The following STK39 variants were observed in gnomAD, a reference collection of about 807,000 sequenced individuals.
The protein encoded by STK39 is serine/threonine kinase 39.
A neutral mutation model predicts 77.8 loss-of-function variants in STK39; 20 were observed. The ratio of observed to expected loss-of-function variants is 0.26; its 90% CI spans 0.18 to 0.37. The LOEUF is 0.37. Ranked by LOEUF, STK39 falls within the 10% of genes least tolerant of loss-of-function variation. The pLI, the probability that STK39 is intolerant of heterozygous loss-of-function variation, is 1.00. For synonymous variants in STK39, 246 were observed against 234.1 expected (o/e 1.05, Z -0.47); for missense variants, 479 against 656.5 (o/e 0.73, Z 2.95).
At chr2:168,237,633 T>A (rs1690654693) in intron 1 of STK39, among the ~76,000 whole-genome samples, 1 of 152,170 alleles carries the variant, frequency 6.6e-6, no homozygotes, top group Admixed American at 6.5e-5. Flanking sequence ...ATACCTAATT[T>A]ATTGAGAGTT....
chr2:168,007,253 CTT>C (rs1684154615), intron 16 of STK39, among the ~76,000 whole-genome samples: 1 of 152,176 alleles, frequency 6.6e-6, no homozygotes, highest in Non-Finnish European at 1.5e-5. Context: ...TTTGCAAACA[CTT>C]TGAATTTTGC....
chr2:168,161,367 A>C (rs1350270115), intron 5 of STK39, among the ~76,000 whole-genome samples: 1 of 152,248 alleles, frequency 6.6e-6, no homozygotes, highest in Non-Finnish European at 1.5e-5. Flanking sequence ...AATAAGGCCC[A>C]GATTTTTAAT....
At chr2:168,167,039 G>A (rs13023468) in intron 3 of STK39, among the ~76,000 whole-genome samples, 26,629 of 151,936 alleles carry the variant, frequency 0.18, 2,368 homozygotes, top group East Asian at 0.25. Flanking sequence ...ACATTCCGGG[G>A]GCTGCCTCTC....
In STK39 at chr2:167,954,174, CTT is replaced by C. The variant is rs545078508; in HGVS notation, c.*1320_*1321del. 1 of 152,496 alleles carries C rather than the reference CTT, an allele frequency of 6.6e-6. No homozygotes were observed. Among genetic ancestry groups the C allele is most frequent in the Non-Finnish European group, 1.5e-5 (1 of 68,024 alleles). The allele number at this position is 152,496 out of a possible 1,614,324, so 9.4% of individuals were successfully genotyped here. A position where few individuals can be genotyped will look rare whatever the true frequency, so the allele number is the denominator to read the frequency against. Reference sequence around the variant, plus strand: ...ATTATGACAAGGCAATTATAAATAACTTTTTTTCCTTAGTAATATATATTTGC... The same window carrying C: ...ATTATGACAAGGCAATTATAAATAACTTTTTCCTTAGTAATATATATTTGC... On this transcript the variant is annotated 3_prime_UTR_variant, in exon 18 of 18. Coordinates refer to ENST00000355999, the MANE Select transcript of STK39 (RefSeq NM_013233.3).
chr2:168,044,634 A>G (rs992514539), intron 14 of STK39, among the ~76,000 whole-genome samples: 3 of 152,348 alleles, frequency 2.0e-5, no homozygotes, highest in Admixed American at 2.0e-4. Context: ...ATTAAAATGT[A>G]CACTGCACCA....
chr2:168,129,018 G>A (rs1687614138), intron 10 of STK39, among the ~76,000 whole-genome samples: 1 of 152,190 alleles, frequency 6.6e-6, no homozygotes, highest in Non-Finnish European at 1.5e-5. Flanking sequence ...TGCCATTTTA[G>A]AAATCTAAAA....
chr2:168,013,621 G>C (rs931183021), intron 15 of STK39, among the ~76,000 whole-genome samples: 3 of 152,174 alleles, frequency 2.0e-5, no homozygotes, highest in African/African-American at 7.2e-5. Context: ...ACTCTAGACG[G>C]GGGTTTGACA....
At chr2:168,112,199 A>G (rs1328395855) in intron 10 of STK39, among the ~76,000 whole-genome samples, 1 of 151,946 alleles carries the variant, frequency 6.6e-6, no homozygotes, top group African/African-American at 2.4e-5. Context: ...TTCAATCTCT[A>G]CAGAACTCAG....
chr2:168,167,804 C>T (rs866345249), intron 2 of STK39, among the ~76,000 whole-genome samples: 2 of 152,260 alleles, frequency 1.3e-5, no homozygotes, highest in African/African-American at 2.4e-5. Context: ...CTGGTGCCAG[C>T]CTGAACTCTG....
chr2:168,138,016 T>G, intron 8 of STK39, 72 bp downstream of exon 8: 1 of 1,544,188 alleles, frequency 6.5e-7, no homozygotes, highest in Non-Finnish European at 8.8e-7. Context: ...CACAAAGCCT[T>G]TCCCCATCTA....
At chr2:168,067,517 T>G (rs1685826872) in intron 12 of STK39, among the ~76,000 whole-genome samples, 1 of 152,202 alleles carries the variant, frequency 6.6e-6, no homozygotes, top group South Asian at 2.1e-4. Context: ...AGCATCAGCT[T>G]ATACAGCCTG....
At chr2:168,083,159 T>G (rs369643266) in intron 10 of STK39, among the ~76,000 whole-genome samples, 1 of 152,304 alleles carries the variant, frequency 6.6e-6, no homozygotes, top group Admixed American at 6.5e-5. Flanking sequence ...TGTCACATAT[T>G]TTTGTGACTC....
chr2:168,049,974 T>C lies in STK39; in HGVS notation c.1376+13526A>G, dbSNP rs116547445. 9.1e-3 allele frequency among the ~76,000 whole-genome samples: 1,385 copies of C among 152,340 alleles called. 19 individuals are homozygous for C. The highest frequency in any genetic ancestry group is 0.032 in the African/African-American group (1,319 of 41,572). ...CCAGATCTCTACTTGAAAGATTTCA[T>C]AGGAAGGCACACCTTCCAAATTACC... On this transcript the variant is annotated intron_variant, in intron 14 of 17. Transcript: ENST00000355999.
intron 13 of STK39, among the ~76,000 whole-genome samples, chr2:168,064,253 T>G (rs1044657349): frequency 2.6e-5 from 4 of 152,192 alleles, no homozygotes; most frequent in African/African-American, 9.6e-5. Flanking sequence ...CATAAAATGC[T>G]CTACAGTACT....
At chr2:167,986,241 T>C (rs962093996) in intron 16 of STK39, among the ~76,000 whole-genome samples, 3 of 151,936 alleles carry the variant, frequency 2.0e-5, no homozygotes, top group African/African-American at 7.3e-5. Context: ...TTATCAGAAA[T>C]TATTTGAAAG....
chr2:168,063,655 C>A, intron 13 of STK39, 85 bp from the exon 14 acceptor site: 1 of 1,280,318 alleles, frequency 7.8e-7, no homozygotes. Context: ...ATTCATATAG[C>A]CATTTCTTTC....
At chr2:168,120,128 A>G (rs1373540968) in intron 10 of STK39, among the ~76,000 whole-genome samples, 1 of 152,166 alleles carries the variant, frequency 6.6e-6, no homozygotes. Flanking sequence ...ATTTCAAAAT[A>G]TTTATAGCTT....
intron 1 of STK39, among the ~76,000 whole-genome samples, chr2:168,242,557 A>AT (rs1690787887): frequency 1.7e-5 from 1 of 59,118 alleles, no homozygotes; most frequent in African/African-American, 7.8e-5. Flanking sequence ...AAAAAAAAAA[A>AT]AAAATATATA....
chr2:168,029,635 T>C (rs936398174), intron 14 of STK39, among the ~76,000 whole-genome samples: 5 of 152,166 alleles, frequency 3.3e-5, no homozygotes, highest in Admixed American at 1.3e-4. Flanking sequence ...GGATCGCCTA[T>C]ACACACTTCT....
Sources: gnomAD v4.1 joint callset for allele counts (sites outside exome capture counted in the v4.1 genomes callset) on GRCh38, gnomAD v4.1.1 for gene constraint, MANE v1.5 for transcripts, NCBI Gene and HGNC (gene_info 2026-07-23, HGNC 2026-07-21) for gene names.